CTIF: variants seen among roughly 807,000 people sequenced by gnomAD.
CTIF encodes CBP80/20-dependent translation initiation factor.
Under a neutral mutation model 66.0 loss-of-function variants are expected in CTIF, and 21 were observed. The observed-to-expected ratio is 0.32, with a 90% CI of 0.23 to 0.46. The LOEUF is 0.46. Among genes scored for constraint, CTIF ranks in the 20% least tolerant of loss-of-function variants. The pLI, the probability that CTIF is intolerant of heterozygous loss-of-function variation, is 1.00. For synonymous variants in CTIF, 345 were observed against 326.4 expected (o/e 1.06, Z -0.62); for missense variants, 739 against 812.7 (o/e 0.91, Z 1.10).
chr18:48,746,531 C>A (rs2092597939), intron 7 of CTIF, among the ~76,000 whole-genome samples: 1 of 151,346 alleles, frequency 6.6e-6, no homozygotes, highest in Non-Finnish European at 1.5e-5. Flanking sequence ...CTAGCTCTTG[C>A]CTGGTAGACA....
At chr18:48,620,475 A>C (rs1057463721) in intron 2 of CTIF, among the ~76,000 whole-genome samples, 1 of 152,212 alleles carries the variant, frequency 6.6e-6, no homozygotes, top group African/African-American at 2.4e-5. Context: ...ATTTTTGTTC[A>C]AGAGCTGCTT....
At chr18:48,840,043 C>G (rs905826583) in intron 10 of CTIF, among the ~76,000 whole-genome samples, 1 of 152,168 alleles carries the variant, frequency 6.6e-6, no homozygotes, top group African/African-American at 2.4e-5. Flanking sequence ...AACAGTTGCT[C>G]CCAGGCTGGG....
At chr18:48,841,761 C>A (rs1488048314) in intron 10 of CTIF, among the ~76,000 whole-genome samples, 2 of 152,100 alleles carry the variant, frequency 1.3e-5, no homozygotes, top group African/African-American at 4.8e-5. Flanking sequence ...GGTGTTATCC[C>A]AGGGGTCCCG....
At chr18:48,578,351 A>C (rs2089581300) in intron 1 of CTIF, among the ~76,000 whole-genome samples, 1 of 152,136 alleles carries the variant, frequency 6.6e-6, no homozygotes, top group Non-Finnish European at 1.5e-5. Flanking sequence ...CTAGGATTGG[A>C]ATTGCTGGGT....
At chr18:48,775,692 A>G (rs1202399451) in intron 9 of CTIF, among the ~76,000 whole-genome samples, 1 of 152,260 alleles carries the variant, frequency 6.6e-6, no homozygotes, top group Non-Finnish European at 1.5e-5. Context: ...AGGAAGGGGC[A>G]AGCCCTGTAA....
At chr18:48,667,082 G>GACACACAC (rs4044188) in intron 5 of CTIF, among the ~76,000 whole-genome samples, 3,350 of 142,234 alleles carry the variant, frequency 0.024, 52 homozygotes, top group Non-Finnish European at 0.027. Flanking sequence ...CAGGAAAGTA[G>GACACACAC]ACACACACAC....
chr18:48,738,302 T>A (rs1013095975), intron 7 of CTIF, among the ~76,000 whole-genome samples: 1 of 152,148 alleles, frequency 6.6e-6, no homozygotes. Context: ...AACATTACTA[T>A]CTTTGATCTC....
intron 9 of CTIF, among the ~76,000 whole-genome samples, chr18:48,773,056 A>G (rs1910328573): frequency 1.3e-5 from 2 of 152,314 alleles, no homozygotes; most frequent in South Asian, 2.1e-4. Context: ...ACCGACTAAG[A>G]GGCAGAAGGA....
At chr18:48,704,971 A>AC (rs1194477382) in intron 6 of CTIF, among the ~76,000 whole-genome samples, 1 of 152,118 alleles carries the variant, frequency 6.6e-6, no homozygotes. Flanking sequence ...CAACTTTTAC[A>AC]CCAGAGGCCC....
rs80179152 is a variant in CTIF at position 48,720,228 on chromosome 18, T to C, written c.584+8533T>C. Among the ~76,000 whole-genome samples, 355 of 152,316 alleles carry C rather than the reference T, an allele frequency of 2.3e-3. 1 individual carries two copies. The highest frequency in any genetic ancestry group is 8.4e-3 in the African/African-American group (350 of 41,570). Reference sequence around the variant, plus strand: ...AACAGGATCTTAGGTCTGAGTGATTTATCTTGTTCGTGTGTGGTGGTAGCT... The same window carrying C: ...AACAGGATCTTAGGTCTGAGTGATTCATCTTGTTCGTGTGTGGTGGTAGCT... On this transcript the variant is annotated intron_variant, in intron 7 of 11. Coordinates refer to ENST00000256413, the MANE Select transcript of CTIF (RefSeq NM_014772.3).
intron 10 of CTIF, among the ~76,000 whole-genome samples, chr18:48,843,862 T>A (rs1467241723): frequency 6.6e-6 from 1 of 152,200 alleles, no homozygotes; most frequent in African/African-American, 2.4e-5. Context: ...AGTGAAGCTA[T>A]TTTTCTACCT....
At chr18:48,815,279 G>A (rs1285671614) in intron 9 of CTIF, among the ~76,000 whole-genome samples, 1 of 152,162 alleles carries the variant, frequency 6.6e-6, no homozygotes, top group Non-Finnish European at 1.5e-5. Flanking sequence ...AAAATGTTTG[G>A]TCTCCAGAGC....
At chr18:48,683,859 G>A (rs993380736) in intron 6 of CTIF, among the ~76,000 whole-genome samples, 5 of 152,178 alleles carry the variant, frequency 3.3e-5, no homozygotes, top group African/African-American at 1.2e-4. Context: ...GCACCACTGT[G>A]GCCACCAGCC....
At chr18:48,753,446 A>G (rs1181719270) in intron 7 of CTIF, among the ~76,000 whole-genome samples, 1 of 152,210 alleles carries the variant, frequency 6.6e-6, no homozygotes, top group African/African-American at 2.4e-5. Flanking sequence ...CCCACCTCCC[A>G]AAATGCAGCT....
intron 6 of CTIF, among the ~76,000 whole-genome samples, chr18:48,709,769 A>G (rs1054082359): frequency 3.3e-5 from 5 of 152,260 alleles, no homozygotes; most frequent in African/African-American, 1.2e-4. Flanking sequence ...AAAGAAAACA[A>G]ATAATATCCT....
At chr18:48,554,005 C>A (rs2088957176) in intron 1 of CTIF, among the ~76,000 whole-genome samples, 1 of 152,148 alleles carries the variant, frequency 6.6e-6, no homozygotes, top group Non-Finnish European at 1.5e-5. Flanking sequence ...GACTCCCAAG[C>A]TCCCTGACAC....
intron 1 of CTIF, among the ~76,000 whole-genome samples, chr18:48,612,254 C>T (rs978656972): frequency 2.6e-5 from 4 of 152,168 alleles, no homozygotes; most frequent in African/African-American, 7.2e-5. Context: ...TGGAGGGACG[C>T]GGTTGGCAGT....
intron 8 of CTIF, chr18:48,760,185 CTTTTT>C (rs949378479): frequency 2.3e-5 from 3 of 132,932 alleles, no homozygotes; most frequent in East Asian, 2.2e-4. Context: ...TCAGCCCTTT[CTTTTT>C]TTTTTTTTTT....
chr18:48,704,655 C>A (rs1379493440), intron 6 of CTIF, among the ~76,000 whole-genome samples: 2 of 152,198 alleles, frequency 1.3e-5, no homozygotes, highest in African/African-American at 4.8e-5. Context: ...CTTGCAGTGT[C>A]CCCCCAGTCC....
Sources: gnomAD v4.1 joint callset for allele counts (sites outside exome capture counted in the v4.1 genomes callset) on GRCh38, gnomAD v4.1.1 for gene constraint, MANE v1.5 for transcripts, NCBI Gene and HGNC (gene_info 2026-07-23, HGNC 2026-07-21) for gene names.